The following UGT1A7 variants were observed in gnomAD, a reference collection of about 807,000 sequenced individuals.
The protein encoded by UGT1A7 is UDP glucuronosyltransferase family 1 member A7, also known as UDP-glucuronosyltransferase 1A7.
In UGT1A7, 33 loss-of-function variants were observed where a neutral mutation model predicts 45.6. The ratio of observed to expected loss-of-function variants is 0.72; its 90% CI spans 0.55 to 0.97. The LOEUF (loss-of-function observed/expected upper bound fraction) is 0.97. UGT1A7 is among the 50% of genes least tolerant of loss of function. The probability of loss-of-function intolerance (pLI) is 0.00; values close to 1 mark genes in which losing one functional copy is unlikely to be tolerated. For synonymous variants in UGT1A7, 274 were observed against 250.6 expected, an observed-to-expected ratio of 1.09 and a Z score of -0.88; for missense variants, 684 against 666.2, an observed-to-expected ratio of 1.03 and a Z score of -0.29.
intron 1 of UGT1A7, among the ~76,000 whole-genome samples, chr2:233,683,504 C>T (rs2074637285): frequency 6.6e-6 from 1 of 152,064 alleles, no homozygotes; most frequent in Non-Finnish European, 1.5e-5. Flanking sequence ...AGTAGGGTAT[C>T]ATCCTATGAG....
intron 1 of UGT1A7, chr2:233,747,483 C>A (rs993277218): frequency 6.2e-7 from 1 of 1,608,496 alleles, no homozygotes; most frequent in Non-Finnish European, 8.5e-7. Context: ...TGAATTTGAT[C>A]GCCTTGTGCT....
chr2:233,735,501 C>A (rs1331221711), intron 1 of UGT1A7, among the ~76,000 whole-genome samples: 1 of 152,100 alleles, frequency 6.6e-6, no homozygotes, highest in African/African-American at 2.4e-5. Flanking sequence ...CAGCATTTAG[C>A]CCATTTACAT....
chr2:233,715,125 A>AT (rs1340415834), intron 1 of UGT1A7, among the ~76,000 whole-genome samples: 1 of 152,104 alleles, frequency 6.6e-6, no homozygotes, highest in Non-Finnish European at 1.5e-5. Flanking sequence ...ATCTCAAGTG[A>AT]TTCACTCACC....
chr2:233,749,814 T>C (rs951105241), intron 1 of UGT1A7, among the ~76,000 whole-genome samples: 1 of 151,928 alleles, frequency 6.6e-6, no homozygotes, highest in African/African-American at 2.4e-5. Flanking sequence ...AAGCTCTTCC[T>C]CTTTCTCTCT....
rs1331273154 is a variant in UGT1A7 at position 233,755,158 on chromosome 2, C to T, written c.856-11876C>T. On this transcript the variant is annotated intron_variant, in intron 1 of 4. Coordinates refer to ENST00000373426, the MANE Select transcript of UGT1A7 (RefSeq NM_019077.3). ...AATCTTCTCACCGCTTCCTCCCTGT[C>T]CTCGGGGTTTTTGTCGGGGTGCCAC... 1.2e-4 allele frequency: 159 copies of T among 1,292,482 alleles called. 2 individuals are homozygous for T. Among genetic ancestry groups the T allele is most frequent in the Non-Finnish European group, 4.6e-5 (44 of 955,692 alleles). The allele number at this position is 1,292,482 out of a possible 1,614,324, so 80.1% of individuals were successfully genotyped here.
intron 1 of UGT1A7, among the ~76,000 whole-genome samples, chr2:233,705,949 T>A (rs1472932510): frequency 6.6e-6 from 1 of 151,962 alleles, no homozygotes; most frequent in Non-Finnish European, 1.5e-5. Context: ...ATTAGCTGGG[T>A]GTGGAGGTGC....
intron 1 of UGT1A7, among the ~76,000 whole-genome samples, chr2:233,698,139 C>A (rs1179532977): frequency 6.6e-6 from 1 of 152,188 alleles, no homozygotes; most frequent in South Asian, 2.1e-4. Context: ...TGTGTCTCAA[C>A]TGTATTCCCA....
chr2:233,748,114 A>C (rs1473997500), intron 1 of UGT1A7: 1 of 1,611,788 alleles, frequency 6.2e-7, no homozygotes, highest in East Asian at 2.2e-5. Flanking sequence ...TCAATGTTCC[A>C]GGCAAAACAG....
At chr2:233,707,771 T>TA (rs2075986737) in intron 1 of UGT1A7, among the ~76,000 whole-genome samples, 2 of 152,230 alleles carry the variant, frequency 1.3e-5, no homozygotes. Context: ...AGTGGGTTTT[T>TA]AGAGTATATA....
intron 1 of UGT1A7, chr2:233,760,883 C>T (rs550460320): frequency 1.9e-6 from 3 of 1,614,168 alleles, no homozygotes; most frequent in South Asian, 2.2e-5. Context: ...CCTCTCTCCT[C>T]TCATTCAGAT....
chr2:233,751,278 T>A (rs932458563), intron 1 of UGT1A7, among the ~76,000 whole-genome samples: 3 of 151,934 alleles, frequency 2.0e-5, no homozygotes, highest in African/African-American at 7.3e-5. Flanking sequence ...TTTTGGCCAG[T>A]TTCTCCCATT....
rs149856651 is a variant in UGT1A7 at position 233,729,965 on chromosome 2, A to G, written c.856-37069A>G. 8 of 1,613,950 alleles carry G rather than the reference A, an allele frequency of 5.0e-6. No individual in the cohort carries two copies. In the African/African-American group the frequency reaches 9.3e-5, roughly 19 times the overall value. Reference sequence around the variant, plus strand: ...AACATGGTCTTCATTGGGGGCATCAACTGTGCCAACAGGAAGCCACTATCT... The same window carrying G: ...AACATGGTCTTCATTGGGGGCATCAGCTGTGCCAACAGGAAGCCACTATCT... On this transcript the variant is annotated intron_variant, in intron 1 of 4. Coordinates refer to ENST00000373426, the MANE Select transcript of UGT1A7 (RefSeq NM_019077.3).
At chr2:233,719,357 C>T (rs756721140) in intron 1 of UGT1A7, 62 of 1,613,782 alleles carry the variant, frequency 3.8e-5, no homozygotes, top group Non-Finnish European at 4.7e-5. Context: ...TTCCATGTGA[C>T]TTAGACTTTA....
At chr2:233,725,897 G>A (rs2077482523) in intron 1 of UGT1A7, among the ~76,000 whole-genome samples, 1 of 152,122 alleles carries the variant, frequency 6.6e-6, no homozygotes, top group Admixed American at 6.5e-5. Flanking sequence ...GCAGGTGGGT[G>A]GCTCACACCT....
chr2:233,689,924 T>G (rs2125543636), intron 1 of UGT1A7: 1 of 456,736 alleles, frequency 2.2e-6, no homozygotes, highest in South Asian at 1.5e-5. Flanking sequence ...TGGAATTTCC[T>G]TCGAAAGAAC....
intron 1 of UGT1A7, chr2:233,729,848 G>C: frequency 6.2e-7 from 1 of 1,613,874 alleles, no homozygotes; most frequent in Non-Finnish European, 8.5e-7. Context: ...CTTTTTCAGA[G>C]AGAGGTGTCA....
At chr2:233,685,342 T>C (rs1160344395) in intron 1 of UGT1A7, among the ~76,000 whole-genome samples, 1 of 152,088 alleles carries the variant, frequency 6.6e-6, no homozygotes, top group African/African-American at 2.4e-5. Flanking sequence ...CTTAAAGTGG[T>C]TTTAATGAGA....
chr2:233,687,973 C>T (rs553009800), intron 1 of UGT1A7, among the ~76,000 whole-genome samples: 4 of 152,292 alleles, frequency 2.6e-5, no homozygotes, highest in African/African-American at 7.2e-5. Context: ...ATTCATGTAT[C>T]GTAAAATTCA....
intron 1 of UGT1A7, among the ~76,000 whole-genome samples, chr2:233,736,104 T>C (rs1411990177): frequency 6.6e-6 from 1 of 152,222 alleles, no homozygotes; most frequent in Non-Finnish European, 1.5e-5. Context: ...CTGAAGAGTG[T>C]TTTCCAACTT....
Sources: gnomAD v4.1 joint callset for allele counts (sites outside exome capture counted in the v4.1 genomes callset) on GRCh38, gnomAD v4.1.1 for gene constraint, MANE v1.5 for transcripts, NCBI Gene and HGNC (gene_info 2026-07-23, HGNC 2026-07-21) for gene names.